MYO1H: variants seen among roughly 807,000 people sequenced by gnomAD.
MYO1H encodes the protein myosin IH, also known as unconventional myosin-Ih.
Under a neutral mutation model 149.3 loss-of-function variants are expected in MYO1H, and 118 were observed. The observed-to-expected ratio is 0.79, with a 90% CI of 0.68 to 0.92. MYO1H has a LOEUF of 0.92. Ranked by LOEUF, MYO1H falls within the 40% of genes least tolerant of loss-of-function variation. The pLI, the probability that MYO1H is intolerant of heterozygous loss-of-function variation, is 0.00. For synonymous variants in MYO1H, 447 were observed against 465.2 expected (o/e 0.96, Z 0.50); for missense variants, 1,212 against 1,280.7 (o/e 0.95, Z 0.82).
chr12:109,340,778 T>C, the MYO1H span, among the ~76,000 whole-genome samples: 11 of 152,364 alleles, frequency 7.2e-5, no homozygotes, highest in Middle Eastern at 3.4e-3. Context: ...AATCTGTCTA[T>C]GATTTTTATC....
In MYO1H at chr12:109,375,852, G is replaced by A. The variant is rs572227222; in HGVS notation, c.13-12831G>A. Reference sequence around the variant, plus strand: ...AAATTAGCAGGGTGTGGTGATGAGTGCCTGTGGCCTCAACTACTTGGGAAG... The same window carrying A: ...AAATTAGCAGGGTGTGGTGATGAGTACCTGTGGCCTCAACTACTTGGGAAG... On this transcript the variant is annotated intron_variant, in intron 1 of 31. Transcript: ENST00000310903. 3.3e-5 allele frequency among the ~76,000 whole-genome samples: 5 copies of A among 152,214 alleles called. No homozygotes were observed. In the South Asian group the frequency reaches 6.2e-4, roughly 19 times the overall value.
chr12:109,383,687 T>A (rs1869249045), intron 1 of MYO1H, among the ~76,000 whole-genome samples: 1 of 152,190 alleles, frequency 6.6e-6, no homozygotes, highest in Admixed American at 6.5e-5. Context: ...TTACAGCCAG[T>A]TGGCCGGAAG....
At chr12:109,397,914 C>A in intron 5 of MYO1H, 102 bp downstream of exon 5, 1 of 764,854 alleles carries the variant, frequency 1.3e-6, no homozygotes, top group African/African-American at 1.8e-5. Context: ...TTTTTTGGCT[C>A]AAGCTATTTA....
chr12:109,388,284 C>T (rs1869473084), intron 1 of MYO1H, among the ~76,000 whole-genome samples: 1 of 152,140 alleles, frequency 6.6e-6, no homozygotes, highest in Non-Finnish European at 1.5e-5. Flanking sequence ...GAAAGCAAGT[C>T]TGGGTATGTT....
chr12:109,341,110 T>A, the MYO1H span, among the ~76,000 whole-genome samples: 1 of 148,076 alleles, frequency 6.8e-6, no homozygotes, highest in African/African-American at 2.5e-5. Flanking sequence ...ATTGCTTGAA[T>A]CTGGGAGGCG....
At chr12:109,337,437 T>C in the MYO1H span, among the ~76,000 whole-genome samples, 1 of 152,078 alleles carries the variant, frequency 6.6e-6, no homozygotes, top group African/African-American at 2.4e-5. Flanking sequence ...GGGTAATTTA[T>C]AAAGAAAAGA....
chr12:109,393,134 CTT>C (rs537716412), intron 2 of MYO1H, among the ~76,000 whole-genome samples, 195 bp from the exon 3 acceptor site: 46 of 152,254 alleles, frequency 3.0e-4, no homozygotes, highest in African/African-American at 6.7e-4. Flanking sequence ...ACACTGATCT[CTT>C]CCTGCAGCTG....
the MYO1H span, among the ~76,000 whole-genome samples, chr12:109,337,343 G>A: frequency 0.36 from 54,224 of 152,044 alleles, 10,234 homozygotes; most frequent in Admixed American, 0.46. Context: ...CATGCAGAGA[G>A]CTATCAGTGA....
chr12:109,401,246 C>A (rs1354820945), exon 6 of MYO1H: 2 of 1,612,772 alleles, frequency 1.2e-6, no homozygotes, highest in African/African-American at 2.7e-5. Context: ...CGAGCGAGAC[C>A]CCCAGCTGTA....
chr12:109,437,909 G>A (rs1031801315), intron 22 of MYO1H, among the ~76,000 whole-genome samples: 3 of 151,306 alleles, frequency 2.0e-5, no homozygotes, highest in African/African-American at 7.3e-5. Context: ...CCAACATGGC[G>A]AAACCCCGTC....
chr12:109,314,429 T>G, the MYO1H span, among the ~76,000 whole-genome samples: 1 of 152,294 alleles, frequency 6.6e-6, no homozygotes, highest in East Asian at 1.9e-4. Context: ...CCATGATATA[T>G]TAACACAGTG....
In MYO1H at chr12:109,439,581, T is replaced by C. The variant is rs1260332777; in HGVS notation, c.2295-50T>C. On this transcript the variant is annotated intron_variant, in intron 23 of 31. Coordinates refer to ENST00000310903, the Ensembl canonical transcript of MYO1H. ...CAAAGAAGGGGGAAGAGAATGTAAA[T>C]CTCGGTGAAGAAATGGTCCAGAAAA... 5 of 1,546,776 alleles carry C rather than the reference T, an allele frequency of 3.2e-6. No individual in the cohort carries two copies. The African/African-American group carries it at 6.8e-5, about 21-fold the overall frequency.
At chr12:109,432,162 T>A (rs1871654398) in intron 19 of MYO1H, among the ~76,000 whole-genome samples, 1 of 151,874 alleles carries the variant, frequency 6.6e-6, no homozygotes, top group South Asian at 2.1e-4. Flanking sequence ...CCACCATGCC[T>A]GGCTAATTTT....
chr12:109,388,164 T>C (rs1182778212), intron 1 of MYO1H, among the ~76,000 whole-genome samples: 2 of 151,752 alleles, frequency 1.3e-5, no homozygotes, highest in African/African-American at 2.4e-5. Flanking sequence ...TTAACACTTA[T>C]TGAAATAAAG....
At chr12:109,310,952 T>G in the MYO1H span, among the ~76,000 whole-genome samples, 1 of 152,256 alleles carries the variant, frequency 6.6e-6, no homozygotes, top group African/African-American at 2.4e-5. Context: ...ACATAGTTTA[T>G]GTTGCTTTGA....
chr12:109,376,815 G>A (rs1869096614), intron 1 of MYO1H, among the ~76,000 whole-genome samples: 1 of 152,152 alleles, frequency 6.6e-6, no homozygotes, highest in African/African-American at 2.4e-5. Context: ...TTCAGAAACA[G>A]CTTGTCAAGT....
intron 1 of MYO1H, among the ~76,000 whole-genome samples, chr12:109,382,534 G>T (rs1299340581): frequency 6.6e-6 from 1 of 152,054 alleles, no homozygotes; most frequent in East Asian, 1.9e-4. Context: ...TGAACATTAG[G>T]TATTATAATT....
Position 109,363,440 on chromosome 12 carries a change from G to A in MYO1H, c.12+15468G>A, listed in dbSNP as rs557367992. Among the ~76,000 whole-genome samples, 10 of 152,302 alleles carry A rather than the reference G, an allele frequency of 6.6e-5. No homozygotes were observed. In the South Asian group the frequency reaches 1.5e-3, roughly 22 times the overall value. On this transcript the variant is annotated intron_variant, in intron 1 of 31. Transcript: ENST00000310903. ...ACATAAGAGGGAGCGTCGGCCGGGC[G>A]CGGTGGCTCACGCCTGTAATCCAGC...
At chr12:109,312,752 A>G in the MYO1H span, among the ~76,000 whole-genome samples, 18 of 150,612 alleles carry the variant, frequency 1.2e-4, no homozygotes, top group Admixed American at 1.1e-3. Flanking sequence ...TGAAGCAGAA[A>G]TACCAAGGTT....
Sources: allele counts gnomAD v4.1 joint callset (sites outside exome capture counted in the v4.1 genomes callset), GRCh38; gene constraint gnomAD v4.1.1; transcripts MANE v1.5; gene names NCBI Gene and HGNC (gene_info 2026-07-23, HGNC 2026-07-21).